The following ELP4 variants were observed in gnomAD, a reference collection of about 807,000 sequenced individuals.
ELP4 encodes the protein elongator complex protein 4.
A neutral mutation model predicts 48.9 loss-of-function variants in ELP4; 51 were observed. The ratio of observed to expected loss-of-function variants is 1.04; its 90% CI spans 0.83 to 1.32. The LOEUF is 1.32. Ranked by LOEUF, ELP4 falls within the 40% of genes most tolerant of loss-of-function variation. The pLI, the probability that ELP4 is intolerant of heterozygous loss-of-function variation, is 0.00. For missense variants in ELP4, 519 were observed against 514.6 expected, an observed-to-expected ratio of 1.01 and a Z score of -0.08; for synonymous variants, 210 against 189.2, an observed-to-expected ratio of 1.11 and a Z score of -0.90.
At chr11:31,610,795 G>A (rs6484514) in intron 5 of ELP4, among the ~76,000 whole-genome samples, 92,261 of 152,002 alleles carry the variant, frequency 0.61, 31,745 homozygotes, top group Non-Finnish European at 0.76. Context: ...CTATCTCACT[G>A]GTATGCATGG....
chr11:31,759,583 CA>C (rs1299536077), intron 9 of ELP4, among the ~76,000 whole-genome samples: 1 of 152,220 alleles, frequency 6.6e-6, no homozygotes, highest in East Asian at 1.9e-4. Flanking sequence ...TAAACCTCCA[CA>C]AAGTACAAAA....
At chr11:31,585,668 TA>T (rs1957459971) in intron 3 of ELP4, among the ~76,000 whole-genome samples, 1 of 152,130 alleles carries the variant, frequency 6.6e-6, no homozygotes, top group African/African-American at 2.4e-5. Context: ...GATAAAATGA[TA>T]AAACATGAGT....
At chr11:31,708,746 A>C (rs577160450) in intron 9 of ELP4, among the ~76,000 whole-genome samples, 1 of 152,290 alleles carries the variant, frequency 6.6e-6, no homozygotes, top group Admixed American at 6.5e-5. Flanking sequence ...TCTTCCTAAG[A>C]AAACCATAAT....
intron 9 of ELP4, among the ~76,000 whole-genome samples, chr11:31,680,874 G>A (rs181001211): frequency 6.6e-5 from 10 of 152,086 alleles, no homozygotes; most frequent in East Asian, 5.8e-4. Context: ...ACTCTGTTAC[G>A]GACTGTAAAA....
chr11:31,558,316 G>C (rs1956960870), intron 3 of ELP4, among the ~76,000 whole-genome samples: 4 of 152,022 alleles, frequency 2.6e-5, no homozygotes, highest in Admixed American at 2.6e-4. Context: ...GATGGCATGT[G>C]CCTGATTTTC....
chr11:31,517,022 T>G lies in ELP4; in HGVS notation c.224-3034T>G, dbSNP rs555090188. ...TTCCTTCCCTAAGAGTTTGAAATGT[T>G]CTACATATTGTCATGAAATTGATGT... On this transcript the variant is annotated intron_variant, in intron 1 of 9. Coordinates refer to ENST00000640961, the MANE Select transcript of ELP4 (RefSeq NM_019040.5). Among the ~76,000 whole-genome samples the G allele has an allele frequency of 7.2e-5, 11 of 152,318 alleles. No homozygotes were observed. The South Asian group carries it at 2.3e-3, about 32-fold the overall frequency.
intron 6 of ELP4, 144 bp from the exon 7 acceptor site, chr11:31,632,073 A>G (rs1944872097): frequency 1.8e-6 from 1 of 569,200 alleles, no homozygotes; most frequent in East Asian, 2.9e-5. Context: ...ATACTGCTTT[A>G]TGTACTAATA....
chr11:31,759,681 G>A (rs1360227417), intron 9 of ELP4, among the ~76,000 whole-genome samples: 1 of 150,474 alleles, frequency 6.6e-6, no homozygotes, highest in Non-Finnish European at 1.5e-5. Context: ...TCGTTTAAGT[G>A]TTTTCTTTTC....
intron 2 of ELP4, among the ~76,000 whole-genome samples, chr11:31,532,777 T>G (rs1956417456): frequency 6.7e-6 from 1 of 149,286 alleles, no homozygotes; most frequent in Admixed American, 6.6e-5. Flanking sequence ...TTGGTTTTTT[T>G]TTTTTTTTTT....
intron 9 of ELP4, among the ~76,000 whole-genome samples, chr11:31,739,631 C>T (rs1184325111): frequency 6.6e-6 from 1 of 152,042 alleles, no homozygotes; most frequent in Non-Finnish European, 1.5e-5. Context: ...AAGATTCATG[C>T]TATATTGCCA....
intron 9 of ELP4, among the ~76,000 whole-genome samples, chr11:31,660,650 GT>G (rs146181217): frequency 0.016 from 2,487 of 150,912 alleles, 34 homozygotes; most frequent in African/African-American, 0.029. Flanking sequence ...ATATGTACTT[GT>G]TTTTTTTTAA....
chr11:31,678,493 GTA>G (rs1225514276), intron 9 of ELP4, among the ~76,000 whole-genome samples: 1,308 of 34,864 alleles, frequency 0.038, 24 homozygotes, highest in African/African-American at 0.06. Context: ...ATACATATAT[GTA>G]TGTGTGTGTG....
In ELP4 at chr11:31,509,900, C is replaced by T. The variant is rs1346692194; in HGVS notation, c.116C>T (p.Thr39Ile). ...FQRRGPRASV[T>I]NDSGPRLVSI... Reference sequence around the variant, plus strand: ...AGGAGGGGTCCTAGAGCCAGCGTGACCAACGACAGCGGCCCTCGACTGGTG... The same window carrying T: ...AGGAGGGGTCCTAGAGCCAGCGTGATCAACGACAGCGGCCCTCGACTGGTG... The change falls in exon 1 of 10, where the codon ACC becomes ATC. Residue 39 changes from threonine (T) to isoleucine (I), a missense_variant. Thr to Ile is a moderately conservative substitution (Grantham distance 89). Transcript: ENST00000640961. 1 of 1,614,108 alleles carries T rather than the reference C, an allele frequency of 6.2e-7. No individual in the cohort carries two copies. The highest frequency in any genetic ancestry group is 2.2e-5 in the East Asian group (1 of 44,870).
At chr11:31,577,579 C>G (rs1254706009) in intron 3 of ELP4, among the ~76,000 whole-genome samples, 1 of 152,004 alleles carries the variant, frequency 6.6e-6, no homozygotes, top group Non-Finnish European at 1.5e-5. Flanking sequence ...AGCAGCACAT[C>G]AAAAAGCTTA....
chr11:31,704,058 G>T (rs2134161045), intron 9 of ELP4, among the ~76,000 whole-genome samples: 1 of 151,988 alleles, frequency 6.6e-6, no homozygotes, highest in Admixed American at 6.5e-5. Flanking sequence ...TGCCATCTGG[G>T]CATTTGTTCT....
At chr11:31,749,222 G>C (rs1301878835) in intron 9 of ELP4, among the ~76,000 whole-genome samples, 1 of 152,176 alleles carries the variant, frequency 6.6e-6, no homozygotes, top group African/African-American at 2.4e-5. Context: ...TGGAAGAAAT[G>C]CACAGGACAT....
At chr11:31,564,019 TA>T (rs1957064909) in intron 3 of ELP4, among the ~76,000 whole-genome samples, 1 of 152,192 alleles carries the variant, frequency 6.6e-6, no homozygotes, top group Non-Finnish European at 1.5e-5. Flanking sequence ...AAACACTAAT[TA>T]AATTTTTTGT....
intron 3 of ELP4, among the ~76,000 whole-genome samples, chr11:31,544,212 GAAGCGC>G (rs1363784796): frequency 2.6e-5 from 4 of 152,278 alleles, no homozygotes; most frequent in African/African-American, 9.6e-5. Context: ...CCTCACTCGG[GAAGCGC>G]AAAGGGTCAG....
chr11:31,718,307 C>A (rs1423015681), intron 9 of ELP4, among the ~76,000 whole-genome samples: 1 of 152,162 alleles, frequency 6.6e-6, no homozygotes, highest in African/African-American at 2.4e-5. Context: ...GCAGATATAC[C>A]TGCCCAAGAA....
Sources: allele counts gnomAD v4.1 joint callset (sites outside exome capture counted in the v4.1 genomes callset), GRCh38; gene constraint gnomAD v4.1.1; transcripts MANE v1.5; gene names NCBI Gene and HGNC (gene_info 2026-07-23, HGNC 2026-07-21).